CDH22: variants seen among roughly 807,000 people sequenced by gnomAD.
CDH22 encodes the protein cadherin 22.
CDH22 carries 30 observed loss-of-function variants against 58.4 expected under a neutral mutation model. The observed-to-expected ratio is 0.51, with a 90% CI of 0.38 to 0.70. The LOEUF (loss-of-function observed/expected upper bound fraction) is 0.70, where lower values mean the gene tolerates loss of function less well. CDH22 is among the 30% of genes least tolerant of loss of function. The pLI is 0.00. For synonymous variants in CDH22, 513 were observed against 558.2 expected, an observed-to-expected ratio of 0.92 and a Z score of 1.14; for missense variants, 1,014 against 1,233.9, an observed-to-expected ratio of 0.82 and a Z score of 2.67.
At chr20:46,240,915 T>C in intron 3 of CDH22, 48 bp downstream of exon 3, 1 of 1,519,936 alleles carries the variant, frequency 6.6e-7, no homozygotes, top group African/African-American at 1.4e-5. Context: ...AGGCTCCACT[T>C]GGGGATCACC....
At chr20:46,262,605 C>T (rs1031716487) in intron 1 of CDH22, among the ~76,000 whole-genome samples, 1 of 152,130 alleles carries the variant, frequency 6.6e-6, no homozygotes, top group African/African-American at 2.4e-5. Flanking sequence ...CCACACACAG[C>T]CTTTTGAGGT....
At chr20:46,277,599 G>T (rs1008085467) in intron 1 of CDH22, among the ~76,000 whole-genome samples, 1 of 152,184 alleles carries the variant, frequency 6.6e-6, no homozygotes, top group Non-Finnish European at 1.5e-5. Context: ...TGGTCAGAGA[G>T]GTGGGAGGAA....
intron 7 of CDH22, among the ~76,000 whole-genome samples, chr20:46,209,232 C>T (rs138247964): frequency 9.2e-5 from 14 of 152,186 alleles, no homozygotes; most frequent in South Asian, 8.3e-4. Context: ...AGTGAGAGAG[C>T]GAACTATGGG....
intron 1 of CDH22, among the ~76,000 whole-genome samples, chr20:46,303,624 A>C (rs1182205105): frequency 1.3e-5 from 2 of 152,190 alleles, no homozygotes; most frequent in Non-Finnish European, 2.9e-5. Context: ...GGGTGATGCA[A>C]GGAAGAGGTG....
intron 3 of CDH22, among the ~76,000 whole-genome samples, chr20:46,239,789 C>T (rs921358334): frequency 2.0e-5 from 3 of 152,206 alleles, no homozygotes; most frequent in African/African-American, 4.8e-5. Context: ...CCATGACTCC[C>T]GTTTCTACCA....
chr20:46,238,238 G>A (rs946480185), intron 3 of CDH22, among the ~76,000 whole-genome samples: 1 of 152,172 alleles, frequency 6.6e-6, no homozygotes, highest in African/African-American at 2.4e-5. Flanking sequence ...GCAGAAATGT[G>A]CAGGTCAGTT....
intron 1 of CDH22, among the ~76,000 whole-genome samples, chr20:46,270,935 C>T (rs886785138): frequency 1.3e-5 from 2 of 152,164 alleles, no homozygotes; most frequent in African/African-American, 4.8e-5. Flanking sequence ...GTGCCCTGTT[C>T]TGTGAAACAG....
At chr20:46,294,696 T>C (rs1201841339) in intron 1 of CDH22, among the ~76,000 whole-genome samples, 1 of 152,014 alleles carries the variant, frequency 6.6e-6, no homozygotes, top group African/African-American at 2.4e-5. Flanking sequence ...CCCCAACCTC[T>C]GCTGGGGTGG....
intron 1 of CDH22, among the ~76,000 whole-genome samples, chr20:46,286,372 G>C (rs1050379826): frequency 6.6e-6 from 1 of 152,104 alleles, no homozygotes; most frequent in East Asian, 1.9e-4. Context: ...AGCATCCCCC[G>C]GGGTCTCAGT....
At chr20:46,256,532 G>A (rs528567990) in intron 1 of CDH22, among the ~76,000 whole-genome samples, 3 of 152,244 alleles carry the variant, frequency 2.0e-5, no homozygotes, top group Admixed American at 6.5e-5. Flanking sequence ...GAGGAACATC[G>A]GGGGTCTCGT....
At chr20:46,270,305 G>A (rs189395749) in intron 1 of CDH22, among the ~76,000 whole-genome samples, 1 of 152,160 alleles carries the variant, frequency 6.6e-6, no homozygotes, top group African/African-American at 2.4e-5. Context: ...ACATCCCCAG[G>A]TAGGGCCTGC....
chr20:46,178,139 C>G lies in CDH22; in HGVS notation c.1722G>C (p.Val574=), dbSNP rs754927758. ...HVGFNRQEQD[V]FFLPILVVDS... ...CTACCACCAGGATGGGCAGGAAGAA[C>G]ACGTCCTGCTCCTGCCGGTTGAAGC... The change falls in exon 11 of 12, where the codon GTG becomes GTC. Residue 574 remains valine (V), a synonymous_variant. Transcript: ENST00000537909. 1 of 1,614,028 alleles carries G rather than the reference C, an allele frequency of 6.2e-7. No individual in the cohort carries two copies. Among genetic ancestry groups the G allele is most frequent in the African/African-American group, 1.3e-5 (1 of 75,022 alleles).
At chr20:46,249,663 T>C (rs376958525) in intron 2 of CDH22, among the ~76,000 whole-genome samples, 56 of 152,304 alleles carry the variant, frequency 3.7e-4, no homozygotes, top group African/African-American at 1.3e-3. Context: ...TGGAGTTTTC[T>C]TTCCCCACCC....
In CDH22 at chr20:46,210,022, G is replaced by A. The variant is rs1166868563; in HGVS notation, c.1286+285C>T. 5 of 354,064 alleles carry A rather than the reference G, an allele frequency of 1.4e-5. No homozygotes were observed. Among genetic ancestry groups the A allele is most frequent in the Non-Finnish European group, 2.5e-5 (5 of 196,296 alleles). The allele number at this position is 354,064 out of a possible 1,614,324, so 21.9% of individuals were successfully genotyped here. A position where few individuals can be genotyped will look rare whatever the true frequency, so the allele number is the denominator to read the frequency against. On this transcript the variant is annotated intron_variant, in intron 7 of 11. Transcript: ENST00000537909. The surrounding 1 kb of genome is among the most constrained non-coding windows in gnomAD (Gnocchi z 4.5). ...CTGCAGCCAGCAGCGCGGAGACCCC[G>A]CCAGTGCAGTGCCCGCCTCTGTGTC...
chr20:46,291,098 G>A lies in CDH22; in HGVS notation c.-400+17157C>T, dbSNP rs186122663. Among the ~76,000 whole-genome samples, 5 of 152,204 alleles carry A rather than the reference G, an allele frequency of 3.3e-5. No individual in the cohort carries two copies. The East Asian group carries it at 7.7e-4, about 24-fold the overall frequency. On this transcript the variant is annotated intron_variant, in intron 1 of 11. Coordinates refer to ENST00000537909, the MANE Select transcript of CDH22 (RefSeq NM_021248.3). ...TCGAGACCAGCCTGGCCAACATGGC[G>A]AAACCCTGTCTCTACTAAAAATACA...
At chr20:46,221,284 T>C (rs1322406543) in intron 4 of CDH22, among the ~76,000 whole-genome samples, 1 of 150,536 alleles carries the variant, frequency 6.6e-6, no homozygotes, top group Admixed American at 6.6e-5. Context: ...TTTTTTCTTT[T>C]TTTTTTTTTT....
Position 46,209,021 on chromosome 20 carries a change from C to T in CDH22, c.1286+1286G>A, listed in dbSNP as rs114217639. ...AAATCCCTACCCTCAGACAGCTTAC[C>T]TTTCAGTAGGAGAGACAAAAAAGGT... On this transcript the variant is annotated intron_variant, in intron 7 of 11. Transcript: ENST00000537909. Among the ~76,000 whole-genome samples, 385 of 152,300 alleles carry T rather than the reference C, an allele frequency of 2.5e-3. 2 individuals are homozygous for T. Among genetic ancestry groups the T allele is most frequent in the African/African-American group, 9.0e-3 (374 of 41,566 alleles).
Position 46,300,423 on chromosome 20 carries a change from G to T in CDH22, c.-400+7832C>A, listed in dbSNP as rs2086646116. 6.6e-6 allele frequency among the ~76,000 whole-genome samples: 1 copy of T among 151,996 alleles called. No individual in the cohort carries two copies. Among genetic ancestry groups the T allele is most frequent in the African/African-American group, 2.4e-5 (1 of 41,384 alleles). On this transcript the variant is annotated intron_variant, in intron 1 of 11. Coordinates refer to ENST00000537909, the MANE Select transcript of CDH22 (RefSeq NM_021248.3). This position sits in a 1 kb window ranked among gnomAD's most constrained non-coding sequence, Gnocchi z 4.4. ...TGCTTCCCATCCATCAGCCTGCCCG[G>T]GCCCATCCACCTTATGTCCCCCGCC...
At chr20:46,274,837 A>AC (rs1568680841) in intron 1 of CDH22, among the ~76,000 whole-genome samples, 1 of 152,048 alleles carries the variant, frequency 6.6e-6, no homozygotes, top group African/African-American at 2.4e-5. Flanking sequence ...CAAAAAAAAA[A>AC]AAACCAAAAA....
Sources: gnomAD v4.1 joint callset for allele counts (sites outside exome capture counted in the v4.1 genomes callset) on GRCh38, gnomAD v4.1.1 for gene constraint, Gnocchi (gnomAD v3.1) non-coding constraint, MANE v1.5 for transcripts, NCBI Gene and HGNC (gene_info 2026-07-23, HGNC 2026-07-21) for gene names.